Variants in SMG1 observed in about 807,000 individuals in gnomAD.
SMG1 encodes serine/threonine-protein kinase SMG1.
Under a neutral mutation model 419.9 loss-of-function variants are expected in SMG1, and 22 were observed. That is an observed-to-expected ratio of 0.05 (90% CI 0.04 to 0.07). The LOEUF is 0.07. Ranked by LOEUF, SMG1 falls within the 10% of genes least tolerant of loss-of-function variation. The pLI is 1.00. For synonymous variants in SMG1, 1,538 were observed against 1,553.5 expected, an observed-to-expected ratio of 0.99 and a Z score of 0.23; for missense variants, 3,185 against 4,342.0, an observed-to-expected ratio of 0.73 and a Z score of 7.49.
chr16:18,863,563 TATG>T, intron 25 of SMG1, 84 bp downstream of exon 25: 1 of 1,219,100 alleles, frequency 8.2e-7, no homozygotes, highest in South Asian at 1.2e-5. Flanking sequence ...TATTACTACA[TATG>T]ACCAATTTTA....
At chr16:18,897,281 A>G (rs946887092) in intron 1 of SMG1, among the ~76,000 whole-genome samples, 14 of 152,188 alleles carry the variant, frequency 9.2e-5, no homozygotes, top group African/African-American at 3.4e-4. Context: ...ACAATTGGTT[A>G]CTCTGGTCCA....
intron 46 of SMG1, 147 bp from the exon 47 acceptor site, chr16:18,836,679 T>A: frequency 1.3e-6 from 1 of 766,736 alleles, no homozygotes; most frequent in Non-Finnish European, 2.1e-6. Context: ...CTTACTTCTC[T>A]GTTTTTCCTG....
intron 46 of SMG1, 66 bp downstream of exon 46, chr16:18,837,187 G>A: frequency 4.4e-6 from 6 of 1,369,358 alleles, no homozygotes; most frequent in Non-Finnish European, 6.0e-6. Flanking sequence ...CCATATTGAT[G>A]TTTACATGAA....
intron 60 of SMG1, among the ~76,000 whole-genome samples, chr16:18,812,509 T>C (rs992011604): frequency 1.8e-4 from 28 of 152,030 alleles, no homozygotes; most frequent in East Asian, 9.6e-4. Context: ...AATGGTAATA[T>C]GATATTTTGG....
At position 18,876,398 on chromosome 16, in the gene SMG1, A is replaced by G; in HGVS notation, c.1621-5T>C. The stretch of plus-strand genomic sequence containing the variant: ...AGCATGGGCTACAGCAACAACCTGA[A>G]AAACAAAAAATTCAAGGAAGTGATA... On this transcript the variant is annotated splice_polypyrimidine_tract_variant and splice_region_variant and intron_variant, in intron 12 of 62. Coordinates refer to ENST00000446231, the MANE Select transcript of SMG1 (RefSeq NM_015092.5). 1 of 1,595,306 alleles carries G rather than the reference A, an allele frequency of 6.3e-7. No individual in the cohort carries two copies. The highest frequency in any genetic ancestry group is 8.5e-7 in the Non-Finnish European group (1 of 1,170,896).
intron 1 of SMG1, among the ~76,000 whole-genome samples, chr16:18,915,763 T>TC (rs1164639266): frequency 6.6e-6 from 1 of 152,020 alleles, no homozygotes; most frequent in African/African-American, 2.4e-5. Context: ...TTTGTCAAAA[T>TC]TTACTGAATT....
intron 36 of SMG1, among the ~76,000 whole-genome samples, chr16:18,848,823 A>G (rs1459811049): frequency 6.6e-6 from 1 of 151,868 alleles, no homozygotes; most frequent in Non-Finnish European, 1.5e-5. Context: ...CTGTAATCCT[A>G]TCACTTTGGG....
At chr16:18,845,332 T>C (rs2034196503) in intron 39 of SMG1, 97 bp downstream of exon 39, 1 of 1,032,154 alleles carries the variant, frequency 9.7e-7, no homozygotes. Context: ...TTATAAAATC[T>C]CTTACATTCC....
At chr16:18,840,263 T>C (rs1341582122) in intron 41 of SMG1, among the ~76,000 whole-genome samples, 2 of 152,244 alleles carry the variant, frequency 1.3e-5, no homozygotes, top group East Asian at 3.8e-4. Context: ...GTTTTAAAAT[T>C]ATAGTTCATA....
Position 18,876,226 on chromosome 16 carries a change from A to C in SMG1, c.1788T>G (p.Ala596=). Reference sequence around the variant, plus strand: ...CTACATTGAACACATGATTCTTAAAAGCCTCATGTTTTATTTCAGAACAGG... The same window carrying C: ...CTACATTGAACACATGATTCTTAAACGCCTCATGTTTTATTTCAGAACAGG... ...PEACSEIKHE[A]FKNHVFNVDN... The change falls in exon 13 of 63, where the codon GCT becomes GCG. Residue 596 remains alanine, a synonymous_variant. Transcript: ENST00000446231. 6.2e-7 allele frequency: 1 copy of C among 1,611,790 alleles called. No individual in the cohort carries two copies. Among genetic ancestry groups the C allele is most frequent in the Non-Finnish European group, 8.5e-7 (1 of 1,179,700 alleles).
chr16:18,815,041 T>C (rs2031871375), intron 60 of SMG1, 134 bp downstream of exon 60: 1 of 650,020 alleles, frequency 1.5e-6, no homozygotes, highest in Non-Finnish European at 2.6e-6. Context: ...AAGGATAAGC[T>C]AAAATCTGTT....
chr16:18,861,310 G>T, intron 25 of SMG1: 1 of 152,398 alleles, frequency 6.6e-6, no homozygotes, highest in Non-Finnish European at 1.5e-5. Context: ...TCTTTCATCT[G>T]CTTATATGAA....
chr16:18,811,669 A>G, intron 62 of SMG1, 92 bp downstream of exon 62: 1 of 1,090,212 alleles, frequency 9.2e-7, no homozygotes, highest in African/African-American at 1.6e-5. Flanking sequence ...TTCCTTGATG[A>G]ACTATTAAGG....
intron 1 of SMG1, among the ~76,000 whole-genome samples, chr16:18,906,777 T>C (rs750302049): frequency 8.5e-5 from 13 of 152,194 alleles, no homozygotes; most frequent in African/African-American, 2.4e-4. Flanking sequence ...TCACTTCTTC[T>C]AGCTCCTTAA....
At chr16:18,882,387 TAAAAA>T (rs374027459) in intron 9 of SMG1, 49 bp from the exon 10 acceptor site, 1 of 645,296 alleles carries the variant, frequency 1.5e-6, no homozygotes, top group Non-Finnish European at 2.1e-6. Context: ...TTGTTTTAAA[TAAAAA>T]AAAAAAAAAC....
intron 55 of SMG1, among the ~76,000 whole-genome samples, chr16:18,827,269 T>C (rs982648134): frequency 2.0e-5 from 3 of 151,618 alleles, no homozygotes; most frequent in Admixed American, 6.6e-5. Context: ...TCTATAAAAA[T>C]ACAAAAATTA....
At chr16:18,821,229 TTTTTTTTTTTTC>T (rs1176675612) in intron 55 of SMG1, among the ~76,000 whole-genome samples, 4 of 37,794 alleles carry the variant, frequency 1.1e-4, no homozygotes, top group Admixed American at 3.0e-4. Context: ...TTCTTTTTTT[TTTTTTTTTTTTC>T]TTTTTTTTTT....
rs554874319 is a variant in SMG1, at chr16:18,926,408, T to C, written c.-367A>G. On this transcript the variant is annotated 5_prime_UTR_variant, in exon 1 of 63. Coordinates refer to ENST00000446231, the MANE Select transcript of SMG1 (RefSeq NM_015092.5). ...CAGCTCCTCACGCTCACACGGCCAC[T>C]GCTTCCCCGCCTCCCGGCTCCGCCC... is the stretch of plus-strand genomic sequence containing the variant. The C allele has an allele frequency of 1.6e-3, 317 of 198,500 alleles. 1 individual carries two copies. Among genetic ancestry groups the C allele is most frequent in the Admixed American group, 2.3e-3 (38 of 16,312 alleles). The allele number at this position is 198,500 out of a possible 1,614,324, so 12.3% of individuals were successfully genotyped here. A position where few individuals can be genotyped will look rare whatever the true frequency, so the allele number is the denominator to read the frequency against.
intron 29 of SMG1, 33 bp downstream of exon 29, chr16:18,858,137 A>T (rs1478068261): frequency 6.6e-7 from 1 of 1,520,962 alleles, no homozygotes; most frequent in Admixed American, 2.3e-5. Flanking sequence ...GAACACCTTT[A>T]ATTTTCTCTT....
Sources: gnomAD v4.1 joint callset for allele counts (sites outside exome capture counted in the v4.1 genomes callset) on GRCh38, gnomAD v4.1.1 for gene constraint, MANE v1.5 for transcripts, NCBI Gene and HGNC (gene_info 2026-07-23, HGNC 2026-07-21) for gene names.